Variants in SYN3 observed in about 807,000 individuals in gnomAD.
The protein encoded by SYN3 is synapsin III.
Under a neutral mutation model 65.8 loss-of-function variants are expected in SYN3, and 35 were observed. The observed-to-expected ratio is 0.53, with a 90% CI of 0.41 to 0.70. The LOEUF is 0.70. SYN3 is among the 30% of genes least tolerant of loss of function. SYN3 has a pLI of 0.00. For missense variants in SYN3, 680 were observed against 749.0 expected, an observed-to-expected ratio of 0.91 and a Z score of 1.08; for synonymous variants, 270 against 292.9, an observed-to-expected ratio of 0.92 and a Z score of 0.80.
intron 1 of SYN3, among the ~76,000 whole-genome samples, chr22:33,039,188 G>A (rs2053915780): frequency 6.6e-6 from 1 of 152,138 alleles, no homozygotes; most frequent in Admixed American, 6.6e-5. Context: ...ACTTAACAGG[G>A]TGAGAAAGCA....
chr22:32,652,826 G>A (rs1366396075), intron 6 of SYN3, among the ~76,000 whole-genome samples: 1 of 152,124 alleles, frequency 6.6e-6, no homozygotes, highest in African/African-American at 2.4e-5. Context: ...CTGACGCCCT[G>A]TCCAGGCTGG....
chr22:32,780,983 T>TTCCTTCCTTCCTTTCTTCCC (rs747486689), intron 6 of SYN3, among the ~76,000 whole-genome samples: 1 of 78,136 alleles, frequency 1.3e-5, no homozygotes, highest in African/African-American at 4.4e-5. Context: ...CCTTCCCTCC[T>TTCCTTCCTTCCTTTCTTCCC]TCCTTCCTCT....
intron 7 of SYN3, among the ~76,000 whole-genome samples, chr22:32,554,410 A>T (rs1472189799): frequency 6.6e-6 from 1 of 152,082 alleles, no homozygotes; most frequent in African/African-American, 2.4e-5. Context: ...ACCTCTCTGA[A>T]ATTACTTGTC....
intron 1 of SYN3, among the ~76,000 whole-genome samples, chr22:33,034,642 G>C (rs1010314245): frequency 6.6e-6 from 1 of 152,072 alleles, no homozygotes; most frequent in Non-Finnish European, 1.5e-5. Flanking sequence ...CCATCATGTG[G>C]CTGTTTACTC....
chr22:33,023,052 T>C (rs887782142), intron 1 of SYN3, among the ~76,000 whole-genome samples: 2 of 152,162 alleles, frequency 1.3e-5, no homozygotes, highest in African/African-American at 2.4e-5. Flanking sequence ...CTGAAGGTCA[T>C]GTCAAAAATC....
At chr22:32,893,347 A>C (rs977110321) in intron 4 of SYN3, among the ~76,000 whole-genome samples, 13 of 152,208 alleles carry the variant, frequency 8.5e-5, no homozygotes, top group Non-Finnish European at 1.5e-4. Context: ...CACGGAGCTC[A>C]TGGAGCCCTG....
intron 7 of SYN3, among the ~76,000 whole-genome samples, chr22:32,569,567 C>CTATATA (rs1225222696): frequency 8.5e-4 from 55 of 64,432 alleles, no homozygotes; most frequent in Admixed American, 1.2e-3. Flanking sequence ...CTCTCTCTCT[C>CTATATA]TCTCTATATA....
intron 6 of SYN3, among the ~76,000 whole-genome samples, chr22:32,803,494 G>T (rs756302194): frequency 2.6e-5 from 4 of 152,140 alleles, no homozygotes; most frequent in Admixed American, 2.0e-4. Context: ...ACCCTTGTAA[G>T]AGGCTCCCTG....
intron 6 of SYN3, among the ~76,000 whole-genome samples, chr22:32,605,007 G>GAAAA (rs543726592): frequency 1.1e-5 from 1 of 91,120 alleles, no homozygotes; most frequent in Non-Finnish European, 2.0e-5. Flanking sequence ...CTCCATCTCA[G>GAAAA]AAAAAAAAAA....
intron 6 of SYN3, among the ~76,000 whole-genome samples, chr22:32,648,424 C>A (rs1302022933): frequency 6.6e-6 from 1 of 152,010 alleles, no homozygotes; most frequent in Non-Finnish European, 1.5e-5. Flanking sequence ...TTAAAAATAT[C>A]AATAATTATA....
intron 6 of SYN3, among the ~76,000 whole-genome samples, chr22:32,626,004 A>G (rs533913833): frequency 1.3e-5 from 2 of 152,300 alleles, no homozygotes; most frequent in Admixed American, 1.3e-4. Flanking sequence ...AGGAATCAGG[A>G]AAGGCTTAAG....
chr22:32,964,171 A>G (rs1044310205), intron 3 of SYN3, among the ~76,000 whole-genome samples: 9 of 151,792 alleles, frequency 5.9e-5, no homozygotes, highest in Non-Finnish European at 7.4e-5. Context: ...CTTAAGAACT[A>G]TCGCAAGGAC....
intron 1 of SYN3, among the ~76,000 whole-genome samples, chr22:33,050,087 GA>G (rs2054137551): frequency 6.6e-6 from 1 of 151,924 alleles, no homozygotes; most frequent in Non-Finnish European, 1.5e-5. Flanking sequence ...AAACACCTAA[GA>G]CAGGGAGTCT....
At chr22:32,825,002 A>G (rs1390463163) in intron 6 of SYN3, among the ~76,000 whole-genome samples, 3 of 152,188 alleles carry the variant, frequency 2.0e-5, no homozygotes, top group Non-Finnish European at 4.4e-5. Flanking sequence ...CTGTCTTGGG[A>G]TATCTACTCA....
intron 1 of SYN3, among the ~76,000 whole-genome samples, chr22:33,016,982 C>G (rs2053477537): frequency 6.6e-6 from 1 of 152,154 alleles, no homozygotes; most frequent in African/African-American, 2.4e-5. Context: ...AATAATTGCC[C>G]AGACCAATGT....
intron 6 of SYN3, among the ~76,000 whole-genome samples, chr22:32,781,085 C>G (rs1424418492): frequency 8.7e-6 from 1 of 115,106 alleles, no homozygotes; most frequent in Non-Finnish European, 1.7e-5. Flanking sequence ...CCCTTCCATC[C>G]TCCCTTCCTC....
chr22:32,560,595 C>CGATGTG (rs2058572901), intron 7 of SYN3, among the ~76,000 whole-genome samples: 1 of 151,864 alleles, frequency 6.6e-6, no homozygotes, highest in Non-Finnish European at 1.5e-5. Context: ...GAGAAGAGGC[C>CGATGTG]GATGTGGATG....
chr22:32,830,953 G>T (rs770310478), intron 6 of SYN3, among the ~76,000 whole-genome samples: 3 of 151,758 alleles, frequency 2.0e-5, no homozygotes, highest in East Asian at 3.9e-4. Flanking sequence ...AAAAATGTGT[G>T]TTTTTTTTTC....
intron 3 of SYN3, among the ~76,000 whole-genome samples, chr22:32,949,430 T>G: frequency 6.6e-6 from 1 of 150,468 alleles, no homozygotes; most frequent in Non-Finnish European, 1.5e-5. Context: ...AAAAAAAAAG[T>G]TTTGGGTTTT....
Sources: gnomAD v4.1 joint callset for allele counts (sites outside exome capture counted in the v4.1 genomes callset) on GRCh38, gnomAD v4.1.1 for gene constraint, MANE v1.5 for transcripts, NCBI Gene and HGNC (gene_info 2026-07-23, HGNC 2026-07-21) for gene names.